The following FHIT variants were observed in gnomAD, a reference collection of about 807,000 sequenced individuals.
The protein encoded by FHIT is fragile histidine triad diadenosine triphosphatase.
FHIT carries 19 observed loss-of-function variants against 17.9 expected under a neutral mutation model. That is an observed-to-expected ratio of 1.06 (90% CI 0.74 to 1.56). The LOEUF is 1.56. Ranked by LOEUF, FHIT falls within the 40% of genes most tolerant of loss-of-function variation. The pLI is 0.00. For missense variants in FHIT, 248 were observed against 189.2 expected, an observed-to-expected ratio of 1.31 and a Z score of -1.82; for synonymous variants, 81 against 69.7, an observed-to-expected ratio of 1.16 and a Z score of -0.81.
At chr3:59,761,672 T>C (rs534175426) in intron 8 of FHIT, among the ~76,000 whole-genome samples, 2 of 151,972 alleles carry the variant, frequency 1.3e-5, no homozygotes. Flanking sequence ...AGTGGCATGA[T>C]CTCGGCTCAC....
At chr3:60,526,609 C>T (rs1050425349) in intron 5 of FHIT, among the ~76,000 whole-genome samples, 2 of 152,202 alleles carry the variant, frequency 1.3e-5, no homozygotes, top group Non-Finnish European at 2.9e-5. Flanking sequence ...TCTGCTACTA[C>T]AGGCCTCTCC....
At chr3:59,914,637 A>C (rs34594149) in intron 8 of FHIT, among the ~76,000 whole-genome samples, 4,808 of 152,180 alleles carry the variant, frequency 0.032, 105 homozygotes, top group Middle Eastern at 0.085. Context: ...TTTCCCCCTA[A>C]TTCTTGCTTA....
intron 4 of FHIT, among the ~76,000 whole-genome samples, chr3:60,626,783 C>CTT (rs71627548): frequency 0.19 from 16,266 of 85,584 alleles, 1,959 homozygotes; most frequent in East Asian, 0.55. Context: ...GGGGAAAACA[C>CTT]TCTTTTTTTT....
chr3:60,379,968 C>A (rs78011407), intron 5 of FHIT, among the ~76,000 whole-genome samples: 2,804 of 152,236 alleles, frequency 0.018, 76 homozygotes, highest in African/African-American at 0.063. Context: ...TCAAAAACAA[C>A]AGCATCAATA....
At chr3:60,897,719 C>A (rs1553762244) in intron 3 of FHIT, among the ~76,000 whole-genome samples, 1 of 152,148 alleles carries the variant, frequency 6.6e-6, no homozygotes, top group Non-Finnish European at 1.5e-5. Flanking sequence ...CTAGCTGCAT[C>A]CCTTTCATTT....
At chr3:60,328,463 C>T (rs770666753) in intron 5 of FHIT, among the ~76,000 whole-genome samples, 1 of 152,122 alleles carries the variant, frequency 6.6e-6, no homozygotes, top group Non-Finnish European at 1.5e-5. Context: ...AGCAAGAGAG[C>T]GTGTGCTCGG....
intron 8 of FHIT, among the ~76,000 whole-genome samples, chr3:59,856,499 T>C (rs1182311442): frequency 6.6e-6 from 1 of 152,146 alleles, no homozygotes; most frequent in Non-Finnish European, 1.5e-5. Flanking sequence ...GGCATAAAAA[T>C]CACAAGGGAG....
intron 5 of FHIT, among the ~76,000 whole-genome samples, chr3:60,462,100 G>T (rs1020562517): frequency 3.9e-5 from 6 of 152,136 alleles, no homozygotes; most frequent in Non-Finnish European, 5.9e-5. Flanking sequence ...CAGGACCGGG[G>T]GGATGTTATG....
chr3:60,857,771 A>C lies in FHIT; in HGVS notation c.-110-35760T>G, dbSNP rs545627113. Among the ~76,000 whole-genome samples, 7 of 152,252 alleles carry C rather than the reference A, an allele frequency of 4.6e-5. No homozygotes were observed. In the East Asian group the frequency reaches 1.2e-3, roughly 25 times the overall value. On this transcript the variant is annotated intron_variant, in intron 3 of 9. Transcript: ENST00000492590. ...AAGCAAGACTCCATCTCTACAAAAA[A>C]TGAAAAAATAGGTGGATATGGTGAT... is the stretch of plus-strand genomic sequence containing the variant.
intron 3 of FHIT, among the ~76,000 whole-genome samples, chr3:60,925,439 A>G (rs1707541133): frequency 6.6e-6 from 1 of 152,212 alleles, no homozygotes; most frequent in South Asian, 2.1e-4. Flanking sequence ...TTCAACCCAG[A>G]ATTTCATATC....
intron 1 of FHIT, among the ~76,000 whole-genome samples, chr3:61,246,223 C>T (rs990994560): frequency 6.6e-6 from 1 of 152,176 alleles, no homozygotes; most frequent in African/African-American, 2.4e-5. Flanking sequence ...CAGCCACCCT[C>T]AGGACTGCTC....
intron 4 of FHIT, among the ~76,000 whole-genome samples, chr3:60,567,243 T>C (rs929936891): frequency 6.6e-6 from 1 of 152,014 alleles, no homozygotes; most frequent in African/African-American, 2.4e-5. Flanking sequence ...AACAGCATGG[T>C]ACTGGTACCA....
chr3:59,966,217 C>G (rs1431468040), intron 7 of FHIT, among the ~76,000 whole-genome samples: 1 of 152,172 alleles, frequency 6.6e-6, no homozygotes, highest in African/African-American at 2.4e-5. Flanking sequence ...AAACTAGAAG[C>G]TGGCACCCAA....
intron 7 of FHIT, among the ~76,000 whole-genome samples, chr3:59,964,362 G>A (rs1224201451): frequency 6.6e-6 from 1 of 152,042 alleles, no homozygotes. Context: ...TGGGCTGCGT[G>A]GGCCAGTATC....
intron 5 of FHIT, among the ~76,000 whole-genome samples, chr3:60,407,613 C>A (rs1701914408): frequency 6.6e-6 from 1 of 152,122 alleles, no homozygotes; most frequent in Admixed American, 6.5e-5. Flanking sequence ...CTCCACAGTT[C>A]AAGCGATCCT....
intron 2 of FHIT, among the ~76,000 whole-genome samples, chr3:61,193,165 G>T (rs1392718232): frequency 6.6e-6 from 1 of 152,148 alleles, no homozygotes; most frequent in South Asian, 2.1e-4. Flanking sequence ...AGACAATTTG[G>T]GTTGTTTTGT....
At chr3:60,525,169 A>G (rs1266667368) in intron 5 of FHIT, among the ~76,000 whole-genome samples, 1 of 152,220 alleles carries the variant, frequency 6.6e-6, no homozygotes, top group Non-Finnish European at 1.5e-5. Flanking sequence ...GCCATGCAAA[A>G]AAGTTCCAAT....
At chr3:60,418,426 A>ATATATATATG (rs1559897379) in intron 5 of FHIT, among the ~76,000 whole-genome samples, 6 of 15,176 alleles carry the variant, frequency 4.0e-4, no homozygotes, top group East Asian at 4.4e-3. Context: ...ATATATATAT[A>ATATATATATG]CGTGTATACA....
intron 2 of FHIT, among the ~76,000 whole-genome samples, chr3:61,137,446 C>G (rs1329067080): frequency 1.3e-5 from 2 of 152,070 alleles, no homozygotes; most frequent in African/African-American, 4.8e-5. Flanking sequence ...GGCCACGTCT[C>G]TAAGTTTCTA....
Sources: allele counts gnomAD v4.1 joint callset (sites outside exome capture counted in the v4.1 genomes callset), GRCh38; gene constraint gnomAD v4.1.1; transcripts MANE v1.5; gene names NCBI Gene and HGNC (gene_info 2026-07-23, HGNC 2026-07-21).